Variants in FAT3 observed in about 807,000 individuals in gnomAD.
The protein encoded by FAT3 is protocadherin Fat 3.
FAT3 carries 95 observed loss-of-function variants against 310.2 expected under a neutral mutation model. That is an observed-to-expected ratio of 0.31 (90% CI 0.26 to 0.36). FAT3 has a LOEUF of 0.36. Ranked by LOEUF, FAT3 falls within the 10% of genes least tolerant of loss-of-function variation. The pLI is 1.00. For synonymous variants in FAT3, 2,314 were observed against 2,192.9 expected (o/e 1.06, Z -1.54); for missense variants, 5,408 against 5,715.6 (o/e 0.95, Z 1.74).
chr11:92,316,324 T>C (rs942926934), intron 1 of FAT3, among the ~76,000 whole-genome samples: 4 of 152,210 alleles, frequency 2.6e-5, no homozygotes, highest in Non-Finnish European at 5.9e-5. Context: ...ACGCAATCTG[T>C]GCCCTAAGAT....
Position 92,353,409 on chromosome 11 carries a change from C to A in FAT3, c.1297C>A (p.Arg433=). The A allele has an allele frequency of 6.2e-7, 1 of 1,613,374 alleles. No individual in the cohort carries two copies. Among genetic ancestry groups the A allele is most frequent in the African/African-American group, 1.3e-5 (1 of 75,002 alleles). The change falls in exon 2 of 28, where the codon CGG becomes AGG. Residue 433 remains arginine, a synonymous_variant. Transcript: ENST00000525166. ...NPRSGLIVTA[R]PLNTVKKEVY... is the part of the protein sequence containing the mutation. ...TCGGTCGGGTCTGATTGTTACAGCA[C>A]GGCCACTGAATACTGTTAAGAAGGA...
chr11:92,858,705 A>C (rs1466386299), intron 20 of FAT3, among the ~76,000 whole-genome samples: 2 of 152,208 alleles, frequency 1.3e-5, no homozygotes, highest in South Asian at 4.1e-4. Context: ...TACATTAGCT[A>C]TTAGGCATTA....
At position 92,258,625 on chromosome 11, in the gene FAT3, G is replaced by A. The variant is rs1209202850; in HGVS notation, c.-18+33451G>A. 2.0e-5 allele frequency among the ~76,000 whole-genome samples: 3 copies of A among 151,032 alleles called. No homozygotes were observed. The East Asian group carries it at 6.1e-4, about 31-fold the overall frequency. On this transcript the variant is annotated intron_variant, in intron 1 of 27. Coordinates refer to ENST00000525166, the MANE Select transcript of FAT3 (RefSeq NM_001367949.2). Reference sequence around the variant, plus strand: ...TGGGGGCCAAATTTTCAAGATTCCTGGATGTTAGGAAGAGCACTAGAACTT... The same window carrying A: ...TGGGGGCCAAATTTTCAAGATTCCTAGATGTTAGGAAGAGCACTAGAACTT...
chr11:92,715,745 G>A lies in FAT3; in HGVS notation c.3669+18300G>A, dbSNP rs568732996. Among the ~76,000 whole-genome samples the A allele has an allele frequency of 4.6e-5, 7 of 152,092 alleles. No homozygotes were observed. In the South Asian group the frequency reaches 1.2e-3, roughly 27 times the overall value. ...AACTTGTATGTGCTATAAAGTTAAT[G>A]GCTGCACTTATCAGGGAGGACTTCA... On this transcript the variant is annotated intron_variant, in intron 4 of 27. Coordinates refer to ENST00000525166, the MANE Select transcript of FAT3 (RefSeq NM_001367949.2).
At chr11:92,835,784 G>C (rs1565635850) in intron 15 of FAT3, among the ~76,000 whole-genome samples, 1 of 152,152 alleles carries the variant, frequency 6.6e-6, no homozygotes, top group Non-Finnish European at 1.5e-5. Context: ...GCAAACCTAA[G>C]ATTGACTAGC....
intron 8 of FAT3, among the ~76,000 whole-genome samples, chr11:92,791,534 T>A (rs1025632071): frequency 6.6e-6 from 1 of 152,218 alleles, no homozygotes; most frequent in Non-Finnish European, 1.5e-5. Context: ...CAGAAATCAG[T>A]TTGGTCACCC....
At chr11:92,789,884 T>A in intron 7 of FAT3, 59 bp from the exon 8 acceptor site, 1 of 1,571,154 alleles carries the variant, frequency 6.4e-7, no homozygotes, top group African/African-American at 1.3e-5. Flanking sequence ...GAGGGCATAC[T>A]TTTATTAGCA....
chr11:92,705,768 A>G (rs199706689), intron 4 of FAT3, among the ~76,000 whole-genome samples: 4 of 12,134 alleles, frequency 3.3e-4, no homozygotes, highest in Non-Finnish European at 4.6e-4. Flanking sequence ...TGATGGTGTG[A>G]TGGTGGTGGT....
intron 3 of FAT3, among the ~76,000 whole-genome samples, chr11:92,654,309 GA>G (rs1942494835): frequency 6.6e-6 from 1 of 152,150 alleles, no homozygotes; most frequent in South Asian, 2.1e-4. Flanking sequence ...ATACATGGAT[GA>G]TTCACCAAAA....
intron 21 of FAT3, among the ~76,000 whole-genome samples, chr11:92,859,689 C>T (rs2136328577): frequency 1.3e-5 from 2 of 152,274 alleles, no homozygotes; most frequent in South Asian, 4.1e-4. Context: ...GGTCTATCCC[C>T]ACTGACTTTT....
In FAT3 at chr11:92,895,589, A is replaced by G. The variant is rs1449369867; in HGVS notation, c.*4476A>G. ...TATGTACTGTAGTACCCTTCTGGCA[A>G]ACAAATAACTGAATTGCTACTATTT... On this transcript the variant is annotated 3_prime_UTR_variant, in exon 28 of 28. Transcript: ENST00000525166. 1 of 152,162 alleles carries G rather than the reference A, an allele frequency of 6.6e-6. No homozygotes were observed. The highest frequency in any genetic ancestry group is 1.9e-4 in the East Asian group (1 of 5,200). 9.4% of individuals were successfully genotyped at this position (152,162 alleles called of 1,614,324 possible).
chr11:92,494,031 A>ATT (rs5793604), intron 2 of FAT3, among the ~76,000 whole-genome samples: 2 of 144,376 alleles, frequency 1.4e-5, no homozygotes, highest in Non-Finnish European at 1.5e-5. Flanking sequence ...ATCTGATTCT[A>ATT]TTTTTTTTTT....
chr11:92,546,210 G>T (rs893903725), intron 3 of FAT3, among the ~76,000 whole-genome samples: 1 of 152,176 alleles, frequency 6.6e-6, no homozygotes, highest in Non-Finnish European at 1.5e-5. Context: ...ATAATATCCC[G>T]ATCTACAGAG....
chr11:92,581,357 C>T (rs1224164468), intron 3 of FAT3, among the ~76,000 whole-genome samples: 1 of 152,052 alleles, frequency 6.6e-6, no homozygotes, highest in Non-Finnish European at 1.5e-5. Flanking sequence ...GCTGTTCTTA[C>T]TCTTGAGGAC....
chr11:92,234,447 G>A (rs1864325996), intron 1 of FAT3, among the ~76,000 whole-genome samples: 1 of 152,198 alleles, frequency 6.6e-6, no homozygotes, highest in South Asian at 2.1e-4. Flanking sequence ...CCTAGTTTAT[G>A]GAGATGTTGA....
At chr11:92,257,385 A>G (rs1865359980) in intron 1 of FAT3, among the ~76,000 whole-genome samples, 1 of 152,090 alleles carries the variant, frequency 6.6e-6, no homozygotes, top group East Asian at 1.9e-4. Context: ...GGGGGAGATG[A>G]CTTTAACATT....
intron 14 of FAT3, among the ~76,000 whole-genome samples, 171 bp downstream of exon 14, chr11:92,832,182 A>T (rs1948280036): frequency 1.3e-5 from 2 of 152,056 alleles, no homozygotes; most frequent in African/African-American, 4.8e-5. Flanking sequence ...ATTTAAAAAA[A>T]TATATTAGCC....
At chr11:92,810,115 C>G in intron 13 of FAT3, 39 bp downstream of exon 13, 1 of 1,572,206 alleles carries the variant, frequency 6.4e-7, no homozygotes, top group Non-Finnish European at 8.7e-7. Flanking sequence ...ACACAGTGGA[C>G]ACTTTGTCTT....
intron 3 of FAT3, among the ~76,000 whole-genome samples, chr11:92,655,084 A>T (rs936773809): frequency 4.6e-5 from 7 of 152,284 alleles, no homozygotes; most frequent in Non-Finnish European, 8.8e-5. Context: ...ACACCTCCTC[A>T]GTCAGGCCTT....
Sources: allele counts gnomAD v4.1 joint callset (sites outside exome capture counted in the v4.1 genomes callset), GRCh38; gene constraint gnomAD v4.1.1; transcripts MANE v1.5; gene names NCBI Gene and HGNC (gene_info 2026-07-23, HGNC 2026-07-21).